The following SH3PXD2A variants were observed in gnomAD, a reference collection of about 807,000 sequenced individuals.
SH3PXD2A encodes the protein SH3 and PX domain-containing protein 2A.
Under a neutral mutation model 115.2 loss-of-function variants are expected in SH3PXD2A, and 32 were observed. The ratio of observed to expected loss-of-function variants is 0.28; its 90% CI spans 0.21 to 0.37. The LOEUF is 0.37. Among genes scored for constraint, SH3PXD2A ranks in the 10% least tolerant of loss-of-function variants. SH3PXD2A has a pLI of 1.00. For missense variants in SH3PXD2A, 1,328 were observed against 1,498.7 expected, an observed-to-expected ratio of 0.89 and a Z score of 1.88; for synonymous variants, 610 against 629.1, an observed-to-expected ratio of 0.97 and a Z score of 0.45.
chr10:103,842,290 T>C (rs1019250673), intron 1 of SH3PXD2A, among the ~76,000 whole-genome samples: 2 of 152,154 alleles, frequency 1.3e-5, no homozygotes, highest in African/African-American at 4.8e-5. Context: ...ATAATAGTTA[T>C]ACAAATTTTG....
intron 8 of SH3PXD2A, among the ~76,000 whole-genome samples, chr10:103,631,904 GC>G (rs1157332153): frequency 6.6e-6 from 1 of 152,064 alleles, no homozygotes; most frequent in Non-Finnish European, 1.5e-5. Context: ...GACTGCTTGA[GC>G]CCAGGAGTTC....
intron 13 of SH3PXD2A, among the ~76,000 whole-genome samples, chr10:103,607,143 T>C (rs1158426022): frequency 1.4e-5 from 2 of 144,576 alleles, no homozygotes; most frequent in East Asian, 4.2e-4. Flanking sequence ...GCCTCTGCCC[T>C]GCCGCCCCGT....
intron 3 of SH3PXD2A, among the ~76,000 whole-genome samples, chr10:103,761,093 T>G (rs2038695259): frequency 6.6e-6 from 1 of 152,260 alleles, no homozygotes; most frequent in Non-Finnish European, 1.5e-5. Context: ...ACTGCCTCCT[T>G]CCTAAAGACC....
intron 2 of SH3PXD2A, among the ~76,000 whole-genome samples, chr10:103,798,852 G>A (rs1221404078): frequency 6.6e-6 from 1 of 152,144 alleles, no homozygotes; most frequent in Non-Finnish European, 1.5e-5. Flanking sequence ...ACAGAGTGAC[G>A]CCAAGTGAGG....
chr10:103,760,775 C>T (rs1029452683), intron 3 of SH3PXD2A, among the ~76,000 whole-genome samples: 4 of 151,826 alleles, frequency 2.6e-5, no homozygotes, highest in Non-Finnish European at 5.9e-5. Flanking sequence ...CCAGGCTGGT[C>T]TCAAACTCTT....
chr10:103,596,560 T>G lies in SH3PXD2A; in HGVS notation c.*5256A>C, dbSNP rs1299687523. 2.6e-5 allele frequency: 4 copies of G among 152,404 alleles called. No individual in the cohort carries two copies. The highest frequency in any genetic ancestry group is 9.7e-5 in the African/African-American group (4 of 41,338). The allele number at this position is 152,404 out of a possible 1,614,324, so 9.4% of individuals were successfully genotyped here. On this transcript the variant is annotated 3_prime_UTR_variant, in exon 15 of 15. Coordinates refer to ENST00000369774, the MANE Select transcript of SH3PXD2A (RefSeq NM_001394015.1). ...CAAGGACTTGTTCAATGGAGACAGC[T>G]TGCCTGGTATTTTTTTTTCTCTAAC...
chr10:103,767,811 T>TTTTTA (rs540847506), intron 2 of SH3PXD2A, among the ~76,000 whole-genome samples: 1 of 87,934 alleles, frequency 1.1e-5, no homozygotes, highest in Admixed American at 1.1e-4. Flanking sequence ...AACTGTTTTG[T>TTTTTA]TTTTTTTTTT....
At chr10:103,728,084 T>C (rs1338524885) in intron 4 of SH3PXD2A, among the ~76,000 whole-genome samples, 4 of 152,204 alleles carry the variant, frequency 2.6e-5, no homozygotes, top group Non-Finnish European at 5.9e-5. Flanking sequence ...ACATTCATGA[T>C]GTATGCCACG....
At chr10:103,721,033 C>T (rs1290476959) in intron 5 of SH3PXD2A, among the ~76,000 whole-genome samples, 2 of 152,216 alleles carry the variant, frequency 1.3e-5, no homozygotes, top group East Asian at 1.9e-4. Flanking sequence ...AACTGGCCCA[C>T]GTGGCCAATA....
chr10:103,737,497 C>T (rs1411202021), intron 3 of SH3PXD2A, among the ~76,000 whole-genome samples: 1 of 152,106 alleles, frequency 6.6e-6, no homozygotes, highest in African/African-American at 2.4e-5. Flanking sequence ...CAAGAAATAT[C>T]ATTAGGGGAG....
chr10:103,656,792 C>T (rs891035232), intron 8 of SH3PXD2A, among the ~76,000 whole-genome samples: 4 of 147,696 alleles, frequency 2.7e-5, no homozygotes, highest in Admixed American at 1.4e-4. Flanking sequence ...CATGCCACTG[C>T]ACTCCAGCCT....
At chr10:103,622,212 T>G (rs1278922674) in intron 10 of SH3PXD2A, among the ~76,000 whole-genome samples, 1 of 152,048 alleles carries the variant, frequency 6.6e-6, no homozygotes, top group African/African-American at 2.4e-5. Flanking sequence ...CCCCTGTACC[T>G]TTTCAGGGAA....
At chr10:103,780,628 G>A (rs2038923263) in intron 2 of SH3PXD2A, among the ~76,000 whole-genome samples, 1 of 152,198 alleles carries the variant, frequency 6.6e-6, no homozygotes. Flanking sequence ...GTTGCTGAGT[G>A]GAACCCTCAA....
At chr10:103,650,963 C>T (rs777020488) in intron 8 of SH3PXD2A, among the ~76,000 whole-genome samples, 5 of 152,252 alleles carry the variant, frequency 3.3e-5, no homozygotes, top group Non-Finnish European at 7.3e-5. Flanking sequence ...ACAGTAGATG[C>T]TCATGTTTGT....
intron 9 of SH3PXD2A, among the ~76,000 whole-genome samples, chr10:103,624,678 C>T (rs1019163575): frequency 6.6e-6 from 1 of 152,222 alleles, no homozygotes; most frequent in African/African-American, 2.4e-5. Flanking sequence ...TGATAGGATG[C>T]AGGCTTCCAA....
Position 103,784,856 on chromosome 10 carries a change from G to T in SH3PXD2A, c.153+16426C>A, listed in dbSNP as rs1307516011. On this transcript the variant is annotated intron_variant, in intron 2 of 14. Transcript: ENST00000369774. The surrounding 1 kb of genome is among the most constrained non-coding windows in gnomAD (Gnocchi z 4.4). ...GCAGCTGGGTTTGGAACACACTGAG[G>T]TGGAGGCACATGTGTGGCTTACACG... 6.6e-6 allele frequency among the ~76,000 whole-genome samples: 1 copy of T among 152,278 alleles called. No homozygotes were observed. Among genetic ancestry groups the T allele is most frequent in the South Asian group, 2.1e-4 (1 of 4,826 alleles).
intron 6 of SH3PXD2A, among the ~76,000 whole-genome samples, chr10:103,689,811 T>G (rs2037725130): frequency 6.6e-6 from 1 of 152,160 alleles, no homozygotes; most frequent in African/African-American, 2.4e-5. Flanking sequence ...GAGGCCAAAC[T>G]GTCCTTCAGT....
intron 1 of SH3PXD2A, among the ~76,000 whole-genome samples, chr10:103,851,931 T>C (rs1452216785): frequency 2.0e-5 from 3 of 152,240 alleles, no homozygotes; most frequent in African/African-American, 7.2e-5. Flanking sequence ...ACCACATGAA[T>C]TGATATATAC....
At chr10:103,801,219 G>T in intron 2 of SH3PXD2A, 63 bp downstream of exon 2, 2 of 971,962 alleles carry the variant, frequency 2.1e-6, no homozygotes, top group African/African-American at 1.6e-5. Flanking sequence ...GATAAGCGAG[G>T]GTATGAGAGA....
Sources: allele counts gnomAD v4.1 joint callset (sites outside exome capture counted in the v4.1 genomes callset), GRCh38; gene constraint gnomAD v4.1.1; non-coding constraint Gnocchi (gnomAD v3.1); transcripts MANE v1.5; gene names NCBI Gene and HGNC (gene_info 2026-07-23, HGNC 2026-07-21).